Variants in BRAF observed in about 807,000 individuals in gnomAD.
BRAF encodes serine/threonine-protein kinase B-raf.
Under a neutral mutation model 104.6 loss-of-function variants are expected in BRAF, and 16 were observed. That is an observed-to-expected ratio of 0.15 (90% CI 0.10 to 0.23). The LOEUF (loss-of-function observed/expected upper bound fraction) is 0.23, where lower values mean the gene tolerates loss of function less well. BRAF is among the 10% of genes least tolerant of loss of function. BRAF has a pLI of 1.00. For missense variants in BRAF, 541 were observed against 937.3 expected, an observed-to-expected ratio of 0.58 and a Z score of 5.52; for synonymous variants, 310 against 341.6, an observed-to-expected ratio of 0.91 and a Z score of 1.02.
chr7:140,721,221 T>TG lies in BRAF; in HGVS notation c.*5272_*5273insC. 5.5e-6 allele frequency: 6 copies of TG among 1,087,066 alleles called. No individual in the cohort carries two copies. The highest frequency in any genetic ancestry group is 6.7e-6 in the Non-Finnish European group (6 of 894,124). The allele number at this position is 1,087,066 out of a possible 1,614,324, so 67.3% of individuals were successfully genotyped here. ...AGCTGATTTAGTAATTAATAAAACT[T>TG]AACAGTTGAAGTTGTGGATGTTAAA... is the stretch of plus-strand genomic sequence containing the variant. On this transcript the variant is annotated 3_prime_UTR_variant, in exon 20 of 20. Transcript: ENST00000644969.
At chr7:140,820,338 T>C (rs1805344200) in intron 3 of BRAF, among the ~76,000 whole-genome samples, 1 of 152,212 alleles carries the variant, frequency 6.6e-6, no homozygotes, top group Non-Finnish European at 1.5e-5. Context: ...CCAATAATTA[T>C]TTCAAGGTAT....
rs572781492 is a variant in BRAF, at chr7:140,866,577, T to G, written c.139-16365A>C. Among the ~76,000 whole-genome samples, 4 of 152,292 alleles carry G rather than the reference T, an allele frequency of 2.6e-5. No homozygotes were observed. The South Asian group carries it at 6.2e-4, about 24-fold the overall frequency. ...AAAAATTCTATATTCTGGGTAAGCTTAGAGGAGACTGATGAAATCACATTC... is the reference window on the plus strand; with the variant it reads ...AAAAATTCTATATTCTGGGTAAGCTGAGAGGAGACTGATGAAATCACATTC... On this transcript the variant is annotated intron_variant, in intron 1 of 19. Coordinates refer to ENST00000644969, the MANE Select transcript of BRAF (RefSeq NM_001374258.1).
At chr7:140,794,571 A>G in intron 7 of BRAF, 104 bp from the exon 8 acceptor site, 4 of 1,339,426 alleles carry the variant, frequency 3.0e-6, no homozygotes, top group Non-Finnish European at 4.2e-6. Flanking sequence ...TATATTCTCA[A>G]AATCATTAAA....
chr7:140,718,753 G>A (rs574264759), downstream of BRAF, among the ~76,000 whole-genome samples: 28 of 152,258 alleles, frequency 1.8e-4, no homozygotes, highest in African/African-American at 6.7e-4. Context: ...TATTTTGTCT[G>A]AAGATACTCT....
intron 14 of BRAF, among the ~76,000 whole-genome samples, chr7:140,761,770 C>T (rs1798764768): frequency 6.6e-6 from 1 of 152,098 alleles, no homozygotes; most frequent in African/African-American, 2.4e-5. Flanking sequence ...TTTAAACCAA[C>T]AAAGATCAAA....
intron 1 of BRAF, among the ~76,000 whole-genome samples, chr7:140,894,359 T>C (rs1814630719): frequency 6.6e-6 from 1 of 152,178 alleles, no homozygotes; most frequent in East Asian, 1.9e-4. Flanking sequence ...GAAGTCATGG[T>C]TTTAAAGAAT....
At chr7:140,803,285 C>A (rs1803316438) in intron 5 of BRAF, among the ~76,000 whole-genome samples, 2 of 152,010 alleles carry the variant, frequency 1.3e-5, no homozygotes, top group Non-Finnish European at 2.9e-5. Flanking sequence ...AAACAGAAAC[C>A]ATTAAAAATT....
chr7:140,726,364 A>G lies in BRAF; in HGVS notation c.*130T>C. On this transcript the variant is annotated 3_prime_UTR_variant, in exon 20 of 20. Coordinates refer to ENST00000644969, the MANE Select transcript of BRAF (RefSeq NM_001374258.1). Reference sequence around the variant, plus strand: ...TGGATGGGAAATTCCATTCTGTTCCACATCAGCTTATGCATTGGAAATTTT... The same window carrying G: ...TGGATGGGAAATTCCATTCTGTTCCGCATCAGCTTATGCATTGGAAATTTT... The G allele has an allele frequency of 1.4e-6, 2 of 1,480,328 alleles. No individual in the cohort carries two copies. The highest frequency in any genetic ancestry group is 1.8e-6 in the Non-Finnish European group (2 of 1,122,792). 91.7% of individuals were successfully genotyped at this position (1,480,328 alleles called of 1,614,324 possible).
At chr7:140,888,176 G>A (rs1813791349) in intron 1 of BRAF, among the ~76,000 whole-genome samples, 1 of 152,120 alleles carries the variant, frequency 6.6e-6, no homozygotes, top group African/African-American at 2.4e-5. Flanking sequence ...CCTGGCCTCA[G>A]CATTTAATAT....
At chr7:140,921,123 T>C (rs1818177627) in intron 1 of BRAF, among the ~76,000 whole-genome samples, 1 of 152,180 alleles carries the variant, frequency 6.6e-6, no homozygotes, top group African/African-American at 2.4e-5. Context: ...TCTAATGCAA[T>C]TGTGAGAAGC....
rs558196249 is a variant in BRAF at position 140,770,460 on chromosome 7, T to G, written c.1814+6452A>C. Among the ~76,000 whole-genome samples the G allele has an allele frequency of 9.3e-5, 14 of 151,106 alleles. No homozygotes were observed. The South Asian group carries it at 2.7e-3, about 29-fold the overall frequency. ...AACTTTTTCTATGTGCCTCTGTGATTTAATTTTTTGATAAAGTTAAATTCA... is the reference window on the plus strand; with the variant it reads ...AACTTTTTCTATGTGCCTCTGTGATGTAATTTTTTGATAAAGTTAAATTCA... On this transcript the variant is annotated intron_variant, in intron 14 of 19. Coordinates refer to ENST00000644969, the MANE Select transcript of BRAF (RefSeq NM_001374258.1).
In BRAF at chr7:140,723,572, T is replaced by A; in HGVS notation, c.*2922A>T. 3.8e-6 allele frequency: 4 copies of A among 1,048,432 alleles called. No homozygotes were observed. Among genetic ancestry groups the A allele is most frequent in the Non-Finnish European group, 4.6e-6 (4 of 868,726 alleles). 64.9% of individuals were successfully genotyped at this position (1,048,432 alleles called of 1,614,324 possible). A position where few individuals can be genotyped will look rare whatever the true frequency, so the allele number is the denominator to read the frequency against. On this transcript the variant is annotated 3_prime_UTR_variant, in exon 20 of 20. Transcript: ENST00000644969. ...CAAATCCCTTTTATAAACTATTTTT[T>A]TGGTCAATATTATTTCAGTGGCAAA...
At chr7:140,770,763 C>G (rs1281381158) in intron 14 of BRAF, among the ~76,000 whole-genome samples, 2 of 151,718 alleles carry the variant, frequency 1.3e-5, no homozygotes, top group African/African-American at 4.8e-5. Context: ...TGGTGAAAAC[C>G]CGTTTACTAA....
At chr7:140,754,290 A>G in intron 14 of BRAF, 57 bp from the exon 14 acceptor site, 1 of 1,478,636 alleles carries the variant, frequency 6.8e-7, no homozygotes, top group East Asian at 2.3e-5. Context: ...TGGCCTCGAA[A>G]TCTACAGAAC....
chr7:140,804,603 G>A (rs921297156), intron 5 of BRAF, among the ~76,000 whole-genome samples: 2 of 152,038 alleles, frequency 1.3e-5, no homozygotes, highest in Admixed American at 6.6e-5. Context: ...GATTACAGGC[G>A]TGAGCCACTG....
intron 14 of BRAF, among the ~76,000 whole-genome samples, 178 bp from the exon 14 acceptor site, chr7:140,754,411 T>C (rs1798035385): frequency 6.6e-6 from 1 of 152,204 alleles, no homozygotes. Flanking sequence ...TTTAAGATTA[T>C]AGGAACATAT....
intron 1 of BRAF, among the ~76,000 whole-genome samples, chr7:140,865,386 C>T (rs770424521): frequency 1.4e-4 from 22 of 152,122 alleles, no homozygotes; most frequent in Admixed American, 9.2e-4. Context: ...AGCCAGCAAA[C>T]GCATTTTTAA....
chr7:140,799,380 T>C lies in BRAF; in HGVS notation c.980+982A>G, dbSNP rs527484037. 7 of 232,624 alleles carry C rather than the reference T, an allele frequency of 3.0e-5. No homozygotes were observed. The South Asian group carries it at 9.1e-4, about 30-fold the overall frequency. 14.4% of individuals were successfully genotyped at this position (232,624 alleles called of 1,614,324 possible). A position where few individuals can be genotyped will look rare whatever the true frequency, so the allele number is the denominator to read the frequency against. ...CATCTGTATTTCACTGCTAATTGAT[T>C]TTTTCTTTAAAGCCATTTTCATCAA... is the stretch of plus-strand genomic sequence containing the variant. On this transcript the variant is annotated intron_variant, in intron 7 of 19. Transcript: ENST00000644969.
At chr7:140,904,541 G>C (rs961520263) in intron 1 of BRAF, among the ~76,000 whole-genome samples, 3 of 152,076 alleles carry the variant, frequency 2.0e-5, no homozygotes, top group African/African-American at 7.2e-5. Context: ...TGTGGAATTT[G>C]ATCAATCAAA....
Sources: gnomAD v4.1 joint callset for allele counts (sites outside exome capture counted in the v4.1 genomes callset) on GRCh38, gnomAD v4.1.1 for gene constraint, MANE v1.5 for transcripts, NCBI Gene and HGNC (gene_info 2026-07-23, HGNC 2026-07-21) for gene names.